NCR1: variants seen among roughly 807,000 people sequenced by gnomAD.
NCR1 encodes the protein NK cell-activating receptor.
Under a neutral mutation model 32.5 loss-of-function variants are expected in NCR1, and 30 were observed. The ratio of observed to expected loss-of-function variants is 0.92; its 90% confidence interval spans 0.69 to 1.25. The LOEUF (loss-of-function observed/expected upper bound fraction) is 1.25, where lower values mean the gene tolerates loss of function less well. NCR1 is among the 50% of genes most tolerant of loss of function. The pLI, the probability that NCR1 is intolerant of heterozygous loss-of-function variation, is 0.00. For missense variants in NCR1, 369 were observed against 380.7 expected, an observed-to-expected ratio of 0.97 and a Z score of 0.26; for synonymous variants, 169 against 143.4, an observed-to-expected ratio of 1.18 and a Z score of -1.28.
upstream of NCR1, among the ~76,000 whole-genome samples, chr19:54,902,657 G>C (rs587610565): frequency 2.0e-5 from 3 of 152,210 alleles, no homozygotes; most frequent in African/African-American, 7.2e-5. Flanking sequence ...TATTTCTTTG[G>C]TGAAGGTAAC....
At chr19:54,918,990 A>T (rs1170392667), downstream of NCR1, among the ~76,000 whole-genome samples, 1 of 152,036 alleles carries the variant, frequency 6.6e-6, no homozygotes, top group Non-Finnish European at 1.5e-5. Context: ...CTTAAAAAAA[A>T]AAAAAAAAAG....
upstream of NCR1, among the ~76,000 whole-genome samples, chr19:54,903,903 T>C (rs1397111009): frequency 2.6e-5 from 4 of 151,620 alleles, no homozygotes; most frequent in African/African-American, 7.3e-5. Context: ...GGCAGGAAGA[T>C]TCACTTGAGG....
At chr19:54,920,333 C>T (rs1240351532), downstream of NCR1, among the ~76,000 whole-genome samples, 1 of 152,234 alleles carries the variant, frequency 6.6e-6, no homozygotes, top group Non-Finnish European at 1.5e-5. Flanking sequence ...GGCTCAGGCT[C>T]ATCCAAGTCC....
chr19:54,931,828 G>A, the NCR1 span, among the ~76,000 whole-genome samples: 2 of 130,430 alleles, frequency 1.5e-5, no homozygotes, highest in Non-Finnish European at 3.2e-5. Flanking sequence ...CCAGCCTGGT[G>A]ACAGAGAGAG....
At chr19:54,919,412 C>T (rs1205153084), downstream of NCR1, among the ~76,000 whole-genome samples, 1 of 152,192 alleles carries the variant, frequency 6.6e-6, no homozygotes, top group East Asian at 1.9e-4. Flanking sequence ...ACAGGGGGCC[C>T]TTCCCTGCCT....
At chr19:54,903,380 A>G (rs139206570), upstream of NCR1, among the ~76,000 whole-genome samples, 13 of 121,560 alleles carry the variant, frequency 1.1e-4, no homozygotes, top group Middle Eastern at 4.7e-3. Flanking sequence ...ATATACATGT[A>G]TGTATATACA....
chr19:54,912,599 C>CAAAAA lies in NCR1; in HGVS notation c.734-56_734-52dup, dbSNP rs60025694. ...GGGCGACAAGACTGAGGCTCTGTCT[C>CAAAAA]AAAAAAAAAAAAAAAAAAAAAAAAA... On this transcript the variant is annotated intron_variant, in intron 6 of 6. Transcript: ENST00000291890. 41 of 375,314 alleles carry CAAAAA rather than the reference C, an allele frequency of 1.1e-4. 2 individuals are homozygous for CAAAAA. The highest frequency in any genetic ancestry group is 2.0e-4 in the African/African-American group (5 of 24,488). The allele number at this position is 375,314 out of a possible 1,614,324, so 23.2% of individuals were successfully genotyped here.
upstream of NCR1, among the ~76,000 whole-genome samples, chr19:54,903,366 G>GTA (rs587666377): frequency 7.2e-5 from 8 of 111,326 alleles, 1 homozygote; most frequent in African/African-American, 1.6e-4. Flanking sequence ...ATACATACAT[G>GTA]TATATATACA....
At chr19:54,931,688 A>AAT in the NCR1 span, among the ~76,000 whole-genome samples, 1 of 78,256 alleles carries the variant, frequency 1.3e-5, no homozygotes, top group African/African-American at 4.9e-5. Flanking sequence ...TCCATCTCAA[A>AAT]AAAAAAAAAA....
At chr19:54,908,351 A>G (rs1433390089) in intron 3 of NCR1, among the ~76,000 whole-genome samples, 1 of 152,252 alleles carries the variant, frequency 6.6e-6, no homozygotes, top group African/African-American at 2.4e-5. Flanking sequence ...AATTTGTCTT[A>G]GTACAGAACA....
chr19:54,928,800 C>A, the NCR1 span, among the ~76,000 whole-genome samples: 1 of 110,658 alleles, frequency 9.0e-6, no homozygotes, highest in Non-Finnish European at 2.0e-5. Flanking sequence ...ACTGTAGAAG[C>A]CTTTGGTTTT....
the NCR1 span, chr19:54,936,209 C>T: frequency 6.5e-7 from 1 of 1,530,838 alleles, no homozygotes; most frequent in Non-Finnish European, 9.0e-7. Flanking sequence ...CCCCCAGCAA[C>T]ACGGTGCAGT....
upstream of NCR1, among the ~76,000 whole-genome samples, chr19:54,903,872 C>T (rs919147359): frequency 6.6e-6 from 1 of 151,178 alleles, no homozygotes; most frequent in African/African-American, 2.4e-5. Flanking sequence ...CACCTGTAAT[C>T]CCAGCACTTT....
the NCR1 span, among the ~76,000 whole-genome samples, chr19:54,933,284 T>G: frequency 2.0e-5 from 3 of 152,228 alleles, no homozygotes; most frequent in African/African-American, 7.2e-5. Context: ...TAGCTGGGAC[T>G]ACAGGCATCC....
chr19:54,918,134 A>C (rs2068172058), downstream of NCR1, among the ~76,000 whole-genome samples: 1 of 151,642 alleles, frequency 6.6e-6, no homozygotes, highest in Non-Finnish European at 1.5e-5. Flanking sequence ...ACGGGGTTTC[A>C]CCATGTTAGC....
At chr19:54,931,582 G>T in the NCR1 span, among the ~76,000 whole-genome samples, 3,072 of 152,182 alleles carry the variant, frequency 0.02, 110 homozygotes, top group African/African-American at 0.069. Context: ...CAGCTACTCA[G>T]GAGGCTGAGG....
At chr19:54,919,725 C>CCCA (rs1556721757), downstream of NCR1, among the ~76,000 whole-genome samples, 61 of 145,354 alleles carry the variant, frequency 4.2e-4, 1 homozygote, top group East Asian at 7.4e-3. Context: ...CCCCCCCCCC[C>CCCA]ACCCGCTGCC....
At chr19:54,926,205 G>GGTGTGT in the NCR1 span, among the ~76,000 whole-genome samples, 7,621 of 143,684 alleles carry the variant, frequency 0.053, 236 homozygotes, top group South Asian at 0.15. Context: ...AATGATTAGG[G>GGTGTGT]GTGTGTGTGT....
the NCR1 span, among the ~76,000 whole-genome samples, chr19:54,923,303 T>C: frequency 6.6e-6 from 1 of 152,150 alleles, no homozygotes; most frequent in Admixed American, 6.6e-5. Flanking sequence ...TCACATAAGT[T>C]ATGATCACAT....
Sources: gnomAD v4.1 joint callset for allele counts (sites outside exome capture counted in the v4.1 genomes callset) on GRCh38, gnomAD v4.1.1 for gene constraint, MANE v1.5 for transcripts, NCBI Gene and HGNC (gene_info 2026-07-23, HGNC 2026-07-21) for gene names.